ZC3H12B: variants seen among roughly 807,000 people sequenced by gnomAD.
The protein encoded by ZC3H12B is zinc finger CCCH-type containing 12B.
Under a neutral mutation model 43.9 loss-of-function variants are expected in ZC3H12B, and 7 were observed. The observed-to-expected ratio is 0.16, with a 90% CI of 0.09 to 0.30. The LOEUF (loss-of-function observed/expected upper bound fraction) is 0.30. Ranked by LOEUF, ZC3H12B falls within the 10% of genes least tolerant of loss-of-function variation. ZC3H12B has a pLI of 1.00. For missense variants in ZC3H12B, 475 were observed against 670.2 expected (o/e 0.71, Z 3.22); for synonymous variants, 222 against 241.7 (o/e 0.92, Z 0.76).
At position 65,458,062 on chromosome X, in the gene ZC3H12B, TAAAA is replaced by T. The variant is rs56840636; in HGVS notation, n.408-30566_408-30563del. Among the ~76,000 whole-genome samples, 3 of 15,873 alleles carry T rather than the reference TAAAA, an allele frequency of 1.9e-4. No homozygotes were observed. The Admixed American group carries it at 2.8e-3, about 15-fold the overall frequency. The allele number at this position is 15,873 out of a possible 115,157, so 13.8% of individuals were successfully genotyped here. On this transcript the variant is annotated intron_variant and non_coding_transcript_variant, in intron 3 of 5. Transcript: ENST00000617377. ...GCGAGAAACACCCAAGAATGATCAA[TAAAA>T]AAAAAAAAAAAAAAAAATTAAAAAA...
At chrX:65,089,534 C>T in the ZC3H12B span, among the ~76,000 whole-genome samples, 2 of 111,752 alleles carry the variant, frequency 1.8e-5, no homozygotes, top group East Asian at 5.6e-4. Context: ...CTGTACACTA[C>T]TGTAAGGTTT....
chrX:65,421,095 G>T (rs942077816), intron 3 of ZC3H12B, among the ~76,000 whole-genome samples: 2 of 111,999 alleles, frequency 1.8e-5, no homozygotes, highest in Admixed American at 9.5e-5. Flanking sequence ...ATATCAGATT[G>T]GTTCATTACA....
chrX:65,129,689 A>T, the ZC3H12B span, among the ~76,000 whole-genome samples: 1 of 111,339 alleles, frequency 9.0e-6, no homozygotes, highest in South Asian at 3.8e-4. Flanking sequence ...GAGGCCTGAC[A>T]TTCCTGTCTT....
chrX:65,065,348 ATC>A, the ZC3H12B span, among the ~76,000 whole-genome samples: 2 of 111,323 alleles, frequency 1.8e-5, no homozygotes, highest in Non-Finnish European at 3.8e-5. Context: ...TTGTGACAAA[ATC>A]TCTCAGCATT....
chrX:65,206,625 C>G, the ZC3H12B span, among the ~76,000 whole-genome samples: 1 of 100,713 alleles, frequency 9.9e-6, no homozygotes, highest in African/African-American at 4.9e-5. Context: ...GACCAAGAAC[C>G]CAAAATCAAA....
chrX:65,135,717 A>T, the ZC3H12B span, among the ~76,000 whole-genome samples: 1 of 102,010 alleles, frequency 9.8e-6, no homozygotes, highest in South Asian at 4.3e-4. Context: ...TTTTTTAGCC[A>T]CACATGTCTC....
intron 3 of ZC3H12B, among the ~76,000 whole-genome samples, chrX:65,416,609 G>A (rs1194009071): frequency 1.0e-5 from 1 of 98,447 alleles, no homozygotes; most frequent in Non-Finnish European, 1.9e-5. Flanking sequence ...GTGAAACCCC[G>A]TCTCTACTAA....
At chrX:65,207,604 G>A in the ZC3H12B span, among the ~76,000 whole-genome samples, 1 of 109,331 alleles carries the variant, frequency 9.1e-6, no homozygotes, top group African/African-American at 3.3e-5. Flanking sequence ...GAGAAGTCAG[G>A]TAGTGTGATG....
At chrX:65,379,751 G>C (rs935663486) in intron 2 of ZC3H12B, among the ~76,000 whole-genome samples, 2 of 112,087 alleles carry the variant, frequency 1.8e-5, no homozygotes, top group Admixed American at 9.5e-5. Context: ...CCAATACAGC[G>C]AAGTGCTTAA....
rs757108594 is a variant in ZC3H12B at position 65,499,852 on chromosome X, A to G, written c.984-31A>G. ...AGTAAGGAGTAGGGGACAGAAAGGA[A>G]GACAGTCACCTCTTGCTTACTTGCT... On this transcript the variant is annotated intron_variant, in intron 3 of 4. Transcript: ENST00000338957. The G allele has an allele frequency of 3.5e-6, 4 of 1,130,163 alleles. No homozygotes were observed. In the African/African-American group the frequency reaches 7.2e-5, roughly 20 times the overall value. 93.1% of individuals were successfully genotyped at this position (1,130,163 alleles called of 1,213,427 possible).
the ZC3H12B span, among the ~76,000 whole-genome samples, chrX:65,104,091 A>G: frequency 9.0e-6 from 1 of 111,408 alleles, no homozygotes; most frequent in Non-Finnish European, 1.9e-5. Context: ...ATGGAACAGA[A>G]CAGAGGCCTC....
chrX:65,150,497 C>T, the ZC3H12B span, among the ~76,000 whole-genome samples: 6 of 109,581 alleles, frequency 5.5e-5, no homozygotes, highest in Non-Finnish European at 1.1e-4. Context: ...CTGCCCCCGA[C>T]CCCCCAACAG....
At chrX:65,372,949 A>T (rs2066268189) in intron 2 of ZC3H12B, among the ~76,000 whole-genome samples, 1 of 112,559 alleles carries the variant, frequency 8.9e-6, no homozygotes, top group African/African-American at 3.2e-5. Context: ...AAGAATTCAG[A>T]GAAGAGTGAA....
chrX:65,072,146 C>G, the ZC3H12B span, among the ~76,000 whole-genome samples: 1 of 111,812 alleles, frequency 8.9e-6, no homozygotes, highest in Non-Finnish European at 1.9e-5. Context: ...TTGTTCATTC[C>G]TTTTCATTCT....
the ZC3H12B span, among the ~76,000 whole-genome samples, chrX:65,298,907 G>T: frequency 6.3e-5 from 7 of 111,408 alleles, no homozygotes; most frequent in Non-Finnish European, 1.3e-4. Flanking sequence ...AAGCAAAGGG[G>T]GAATAGCCCC....
At chrX:65,198,861 C>T in the ZC3H12B span, among the ~76,000 whole-genome samples, 1 of 111,714 alleles carries the variant, frequency 9.0e-6, no homozygotes, top group African/African-American at 3.3e-5. Context: ...CAGTTTCACT[C>T]TGTTGCCCAC....
chrX:65,346,851 G>T, the ZC3H12B span, among the ~76,000 whole-genome samples: 2 of 112,249 alleles, frequency 1.8e-5, no homozygotes, highest in Non-Finnish European at 3.8e-5. Flanking sequence ...GAGCACCTGG[G>T]GAATGGGGCG....
chrX:65,230,769 T>C, the ZC3H12B span, among the ~76,000 whole-genome samples: 1 of 111,299 alleles, frequency 9.0e-6, no homozygotes, highest in African/African-American at 3.3e-5. Flanking sequence ...ACCTTTATTA[T>C]AGGAAAATGC....
At chrX:65,136,706 C>T in the ZC3H12B span, among the ~76,000 whole-genome samples, 1 of 111,481 alleles carries the variant, frequency 9.0e-6, no homozygotes, top group Non-Finnish European at 1.9e-5. Flanking sequence ...AAAATGAGAA[C>T]CCAGGGGAAC....
Sources: gnomAD v4.1 joint callset for allele counts (sites outside exome capture counted in the v4.1 genomes callset) on GRCh38, gnomAD v4.1.1 for gene constraint, MANE v1.5 for transcripts, NCBI Gene and HGNC (gene_info 2026-07-23, HGNC 2026-07-21) for gene names.